The following SLC39A11 variants were observed in gnomAD, a reference collection of about 807,000 sequenced individuals.
SLC39A11 encodes the protein zinc transporter ZIP11.
A neutral mutation model predicts 36.1 loss-of-function variants in SLC39A11; 33 were observed. The observed-to-expected ratio is 0.91, with a 90% CI of 0.69 to 1.22. SLC39A11 has a LOEUF of 1.22. Among genes scored for constraint, SLC39A11 ranks in the 50% most tolerant of loss-of-function variants. The pLI, the probability that SLC39A11 is intolerant of heterozygous loss-of-function variation, is 0.00. For synonymous variants in SLC39A11, 166 were observed against 170.3 expected (o/e 0.97, Z 0.20); for missense variants, 432 against 430.3 (o/e 1.00, Z -0.03).
At chr17:72,840,953 G>T (rs1354691840) in intron 6 of SLC39A11, among the ~76,000 whole-genome samples, 2 of 151,866 alleles carry the variant, frequency 1.3e-5, no homozygotes, top group East Asian at 3.9e-4. Context: ...TACTGGCGAG[G>T]CTGAGGCAGG....
intron 6 of SLC39A11, among the ~76,000 whole-genome samples, chr17:72,840,928 G>A (rs572241533): frequency 4.6e-5 from 7 of 151,924 alleles, no homozygotes; most frequent in East Asian, 1.9e-4. Flanking sequence ...GGTGGGGGGC[G>A]CCTGTAGTCC....
intron 5 of SLC39A11, among the ~76,000 whole-genome samples, chr17:72,924,505 T>TG (rs2083914637): frequency 6.6e-6 from 1 of 152,006 alleles, no homozygotes; most frequent in Non-Finnish European, 1.5e-5. Context: ...ATGAATGATA[T>TG]CCCCAAAAGA....
chr17:73,027,570 G>A (rs1007119764), intron 4 of SLC39A11, among the ~76,000 whole-genome samples: 1 of 152,230 alleles, frequency 6.6e-6, no homozygotes, highest in Non-Finnish European at 1.5e-5. Context: ...CATCCTGACA[G>A]GCTCTTCTGA....
chr17:72,849,568 A>G, intron 6 of SLC39A11, 66 bp downstream of exon 6: 1 of 1,379,912 alleles, frequency 7.2e-7, no homozygotes, highest in Non-Finnish European at 9.5e-7. Flanking sequence ...TTCCAGCCAG[A>G]CAACTGTGCT....
intron 4 of SLC39A11, among the ~76,000 whole-genome samples, chr17:73,026,850 C>A (rs1438108013): frequency 6.6e-6 from 1 of 152,028 alleles, no homozygotes. Flanking sequence ...TGGTAGCTCA[C>A]ACCTATAATC....
chr17:72,773,096 AAAAGAAAG>A (rs1404321969), intron 6 of SLC39A11, among the ~76,000 whole-genome samples: 3 of 152,200 alleles, frequency 2.0e-5, no homozygotes, highest in African/African-American at 7.2e-5. Flanking sequence ...CAAAAAAGAA[AAAAGAAAG>A]AAAGAAAGAA....
intron 7 of SLC39A11, among the ~76,000 whole-genome samples, chr17:72,718,905 C>T (rs1347163797): frequency 2.0e-5 from 3 of 152,074 alleles, no homozygotes; most frequent in African/African-American, 7.2e-5. Context: ...GCTGAGATTA[C>T]AGGCATGAGC....
At chr17:72,822,276 TAG>T (rs895816187) in intron 6 of SLC39A11, among the ~76,000 whole-genome samples, 7 of 147,210 alleles carry the variant, frequency 4.8e-5, no homozygotes, top group Middle Eastern at 3.6e-3. Flanking sequence ...AGAATATATA[TAG>T]AGAGAGATTA....
intron 6 of SLC39A11, among the ~76,000 whole-genome samples, chr17:72,781,217 C>T (rs779097500): frequency 3.4e-4 from 52 of 152,116 alleles, no homozygotes; most frequent in African/African-American, 2.7e-4. Context: ...CTCAGGGTCA[C>T]GGTGCCCCAT....
chr17:73,087,697 T>C (rs1310870847), intron 2 of SLC39A11, among the ~76,000 whole-genome samples: 2 of 150,744 alleles, frequency 1.3e-5, no homozygotes, highest in African/African-American at 4.9e-5. Flanking sequence ...AAGGATGGGG[T>C]TGTGGGAGGA....
At chr17:72,875,671 T>G (rs2080865241) in intron 5 of SLC39A11, among the ~76,000 whole-genome samples, 2 of 152,234 alleles carry the variant, frequency 1.3e-5, no homozygotes, top group Non-Finnish European at 2.9e-5. Context: ...ATTTACTTAT[T>G]AACGATGATC....
intron 4 of SLC39A11, among the ~76,000 whole-genome samples, chr17:72,982,552 G>A (rs903076555): frequency 1.3e-5 from 2 of 152,076 alleles, no homozygotes; most frequent in East Asian, 1.9e-4. Flanking sequence ...GTTCTGTTTC[G>A]TCTATTTTGC....
At chr17:72,946,525 G>T (rs1049286260) in intron 5 of SLC39A11, among the ~76,000 whole-genome samples, 2 of 152,162 alleles carry the variant, frequency 1.3e-5, no homozygotes, top group East Asian at 1.9e-4. Context: ...ATGCCAGCAT[G>T]GAAATGGGAA....
intron 4 of SLC39A11, among the ~76,000 whole-genome samples, chr17:73,012,334 C>T (rs536031087): frequency 3.3e-5 from 5 of 152,104 alleles, no homozygotes; most frequent in East Asian, 1.9e-4. Context: ...AGAGGATAAA[C>T]GCTTGAGGGA....
At chr17:72,648,330 T>TAA (rs10715471) in intron 9 of SLC39A11, among the ~76,000 whole-genome samples, 11 of 126,078 alleles carry the variant, frequency 8.7e-5, no homozygotes, top group African/African-American at 3.0e-4. Context: ...ACTCTGCCAT[T>TAA]AAAAAAAAAA....
At chr17:72,959,364 T>C (rs899197680) in intron 4 of SLC39A11, among the ~76,000 whole-genome samples, 4 of 138,996 alleles carry the variant, frequency 2.9e-5, no homozygotes, top group African/African-American at 1.1e-4. Context: ...TATATATATA[T>C]ATGATCGAAT....
At chr17:72,678,723 T>C (rs978123299) in intron 7 of SLC39A11, among the ~76,000 whole-genome samples, 2 of 151,968 alleles carry the variant, frequency 1.3e-5, no homozygotes, top group Non-Finnish European at 2.9e-5. Flanking sequence ...GCATGCCTCA[T>C]GCTCTTGGGG....
At chr17:72,694,231 T>C (rs1489137074) in intron 7 of SLC39A11, among the ~76,000 whole-genome samples, 1 of 151,874 alleles carries the variant, frequency 6.6e-6, no homozygotes, top group Non-Finnish European at 1.5e-5. Flanking sequence ...GAGAAGGGGG[T>C]CTCACAAAAT....
intron 5 of SLC39A11, among the ~76,000 whole-genome samples, chr17:72,905,034 G>A (rs1245119774): frequency 6.6e-6 from 1 of 151,876 alleles, no homozygotes; most frequent in Non-Finnish European, 1.5e-5. Context: ...TTAGCCAGGC[G>A]AGGTGGCGGG....
Sources: gnomAD v4.1 joint callset for allele counts (sites outside exome capture counted in the v4.1 genomes callset) on GRCh38, gnomAD v4.1.1 for gene constraint, MANE v1.5 for transcripts, NCBI Gene and HGNC (gene_info 2026-07-23, HGNC 2026-07-21) for gene names.